Variants in GALNT14 observed in about 807,000 individuals in gnomAD.
GALNT14 encodes polypeptide N-acetylgalactosaminyltransferase 14.
GALNT14 carries 60 observed loss-of-function variants against 77.5 expected under a neutral mutation model. The observed-to-expected ratio is 0.77, with a 90% confidence interval of 0.63 to 0.96. The LOEUF (loss-of-function observed/expected upper bound fraction) is 0.96. Ranked by LOEUF, GALNT14 falls within the 40% of genes least tolerant of loss-of-function variation. The probability of loss-of-function intolerance (pLI) is 0.00; values close to 1 mark genes in which losing one functional copy is unlikely to be tolerated. For missense variants in GALNT14, 710 were observed against 731.0 expected (o/e 0.97, Z 0.33); for synonymous variants, 280 against 281.7 (o/e 0.99, Z 0.06).
chr2:30,951,007 G>A (rs764689092), intron 6 of GALNT14, among the ~76,000 whole-genome samples: 7 of 152,198 alleles, frequency 4.6e-5, no homozygotes, highest in African/African-American at 1.7e-4. Flanking sequence ...ATCAGCCTGG[G>A]GGTCCCTGCA....
At chr2:30,926,261 A>C (rs1378976292) in intron 11 of GALNT14, among the ~76,000 whole-genome samples, 1 of 152,170 alleles carries the variant, frequency 6.6e-6, no homozygotes, top group Non-Finnish European at 1.5e-5. Flanking sequence ...TTGGATGGGA[A>C]AGAGAAGGGG....
chr2:30,982,113 C>G (rs1209147830), intron 2 of GALNT14, among the ~76,000 whole-genome samples: 3 of 152,094 alleles, frequency 2.0e-5, no homozygotes, highest in Admixed American at 6.5e-5. Flanking sequence ...GGTCAAGAAA[C>G]TTAGGAAAAT....
intron 1 of GALNT14, among the ~76,000 whole-genome samples, chr2:31,058,816 A>G (rs376441916): frequency 1.3e-5 from 2 of 152,246 alleles, no homozygotes; most frequent in East Asian, 1.9e-4. Context: ...GGAGACATTA[A>G]GAGAATTGTC....
rs188538637 is a variant in GALNT14 at position 30,979,062 on chromosome 2, G to A, written c.300-12760C>T. ...CAGTCGGCACAGGCCATGGCCTGATGGGGGCGGCCTTGACTTCAGGGTTGG... is the reference window on the plus strand; with the variant it reads ...CAGTCGGCACAGGCCATGGCCTGATAGGGGCGGCCTTGACTTCAGGGTTGG... On this transcript the variant is annotated intron_variant, in intron 2 of 14. Transcript: ENST00000349752. 2.6e-5 allele frequency among the ~76,000 whole-genome samples: 4 copies of A among 152,360 alleles called. No individual in the cohort carries two copies. The East Asian group carries it at 7.7e-4, about 29-fold the overall frequency.
intron 1 of GALNT14, among the ~76,000 whole-genome samples, chr2:31,053,466 G>A (rs757012587): frequency 4.3e-5 from 6 of 138,770 alleles, no homozygotes; most frequent in East Asian, 2.6e-4. Context: ...ATGCCCTCCC[G>A]TCCTACACAG....
chr2:30,943,651 T>C (rs968907048), intron 8 of GALNT14, among the ~76,000 whole-genome samples: 2 of 152,202 alleles, frequency 1.3e-5, no homozygotes, highest in Non-Finnish European at 2.9e-5. Context: ...CACCATGCAC[T>C]GCCCCTGGTG....
At chr2:31,030,765 C>A (rs1486673028) in intron 1 of GALNT14, among the ~76,000 whole-genome samples, 1 of 152,180 alleles carries the variant, frequency 6.6e-6, no homozygotes, top group African/African-American at 2.4e-5. Context: ...TGTTTGTAGG[C>A]TTCCAGCCCC....
chr2:30,974,281 C>A (rs796484491), intron 2 of GALNT14, among the ~76,000 whole-genome samples: 7 of 152,376 alleles, frequency 4.6e-5, no homozygotes, highest in African/African-American at 1.7e-4. Flanking sequence ...CTGGCTGTTT[C>A]TCTCCACTTC....
At chr2:30,961,684 CT>C (rs60844777) in intron 3 of GALNT14, among the ~76,000 whole-genome samples, 3,583 of 142,152 alleles carry the variant, frequency 0.025, 84 homozygotes, top group African/African-American at 0.072. Flanking sequence ...GTTAGACTTT[CT>C]TTTTTTTTTT....
the GALNT14 span, among the ~76,000 whole-genome samples, chr2:30,886,994 C>T: frequency 6.6e-6 from 1 of 152,242 alleles, no homozygotes; most frequent in Non-Finnish European, 1.5e-5. Context: ...TGGAATCATA[C>T]AATATGAGAC....
Position 30,910,527 on chromosome 2 carries a change from TC to T in GALNT14, c.*373del, listed in dbSNP as rs1446404376. On this transcript the variant is annotated 3_prime_UTR_variant, in exon 15 of 15. Coordinates refer to ENST00000349752, the MANE Select transcript of GALNT14 (RefSeq NM_024572.4). ...TTGGAAACAACCTCCATTCTTCATC[TC>T]TCAATGTAGTCCTGGCCTAGTGAAA... The T allele has an allele frequency of 1.7e-5, 3 of 172,684 alleles. No individual in the cohort carries two copies. The highest frequency in any genetic ancestry group is 3.7e-5 in the Non-Finnish European group (3 of 81,882). The allele number at this position is 172,684 out of a possible 1,614,324, so 10.7% of individuals were successfully genotyped here.
the GALNT14 span, among the ~76,000 whole-genome samples, chr2:30,894,699 G>C: frequency 1.3e-5 from 2 of 152,204 alleles, no homozygotes; most frequent in African/African-American, 4.8e-5. Context: ...GGCCAGCTCT[G>C]GTTGGCTATT....
At chr2:30,922,901 T>C (rs1665118267) in intron 13 of GALNT14, among the ~76,000 whole-genome samples, 1 of 152,012 alleles carries the variant, frequency 6.6e-6, no homozygotes, top group South Asian at 2.1e-4. Flanking sequence ...TGTGAATCAA[T>C]AAACAGGAAA....
At position 30,917,317 on chromosome 2, in the gene GALNT14, G is replaced by A. The variant is rs562537762; in HGVS notation, c.1381-4975C>T. ...CTAGCCACCAGTGGGTGGGGTCATG[G>A]ATGCTGCTAAACATCCCATGCTGCA... On this transcript the variant is annotated intron_variant, in intron 13 of 14. Transcript: ENST00000349752. 1.9e-4 allele frequency among the ~76,000 whole-genome samples: 29 copies of A among 152,252 alleles called. No homozygotes were observed. The East Asian group carries it at 5.6e-3, about 30-fold the overall frequency.
chr2:30,966,827 C>T (rs1221381749), intron 2 of GALNT14, among the ~76,000 whole-genome samples: 1 of 152,170 alleles, frequency 6.6e-6, no homozygotes, highest in Non-Finnish European at 1.5e-5. Context: ...GGCAGAGCCC[C>T]AAACCCTGGT....
intron 1 of GALNT14, among the ~76,000 whole-genome samples, chr2:31,116,112 T>C (rs535699877): frequency 6.6e-6 from 1 of 152,150 alleles, no homozygotes; most frequent in Non-Finnish European, 1.5e-5. Context: ...GATATCTTGA[T>C]TGCATAGAAA....
intron 14 of GALNT14, among the ~76,000 whole-genome samples, chr2:30,911,592 C>T (rs779431039): frequency 2.6e-5 from 4 of 152,182 alleles, no homozygotes; most frequent in East Asian, 3.8e-4. Flanking sequence ...GCACTGAGCA[C>T]GTTACTGCCA....
the GALNT14 span, among the ~76,000 whole-genome samples, chr2:30,902,004 G>A: frequency 6.6e-6 from 1 of 152,150 alleles, no homozygotes; most frequent in East Asian, 1.9e-4. Flanking sequence ...CCTACTAAGT[G>A]TGCTAGTCCA....
intron 1 of GALNT14, among the ~76,000 whole-genome samples, chr2:31,085,639 C>T (rs1676390807): frequency 2.6e-5 from 4 of 152,256 alleles, no homozygotes; most frequent in East Asian, 1.9e-4. Flanking sequence ...TATCTCCCTC[C>T]ACCCTCAGGG....
Sources: gnomAD v4.1 joint callset for allele counts (sites outside exome capture counted in the v4.1 genomes callset) on GRCh38, gnomAD v4.1.1 for gene constraint, MANE v1.5 for transcripts, NCBI Gene and HGNC (gene_info 2026-07-23, HGNC 2026-07-21) for gene names.